GPM6B: variants seen among roughly 807,000 people sequenced by gnomAD.
The protein encoded by GPM6B is glycoprotein M6B.
GPM6B carries 4 observed loss-of-function variants against 27.2 expected under a neutral mutation model. The ratio of observed to expected loss-of-function variants is 0.15; its 90% CI spans 0.07 to 0.34. The LOEUF (loss-of-function observed/expected upper bound fraction) is 0.34, where lower values mean the gene tolerates loss of function less well. Among genes scored for constraint, GPM6B ranks in the 10% least tolerant of loss-of-function variants. The pLI, the probability that GPM6B is intolerant of heterozygous loss-of-function variation, is 1.00. For synonymous variants in GPM6B, 124 were observed against 103.1 expected, an observed-to-expected ratio of 1.20 and a Z score of -1.23; for missense variants, 183 against 261.9, an observed-to-expected ratio of 0.70 and a Z score of 2.08.
chrX:13,932,177 C>T (rs947954793), intron 1 of GPM6B, among the ~76,000 whole-genome samples: 12 of 111,022 alleles, frequency 1.1e-4, no homozygotes, highest in African/African-American at 3.6e-4. Context: ...CTCCCCACTC[C>T]CCCACATTGA....
chrX:13,779,912 G>T lies in GPM6B; in HGVS notation c.603C>A (p.Phe201Leu), dbSNP rs766908101. ...FGFSAVPVFM[F>L]YNIWSTCEVI... ...CTTCACAAGTTGACCATATGTTGTA[G>T]AACATAAACACGGGCACCGCTGAGA... The change falls in exon 5 of 8, where the codon TTC becomes TTA. Residue 201 changes from phenylalanine (F) to leucine (L), a missense_variant. Transcript: ENST00000316715. 2.5e-6 allele frequency: 3 copies of T among 1,202,030 alleles called. No individual in the cohort carries two copies. The highest frequency in any genetic ancestry group is 3.4e-6 in the Non-Finnish European group (3 of 888,493).
At chrX:13,914,008 T>C (rs2050404970) in intron 1 of GPM6B, among the ~76,000 whole-genome samples, 1 of 111,519 alleles carries the variant, frequency 9.0e-6, no homozygotes, top group Admixed American at 9.5e-5. Flanking sequence ...CACTTCGGCC[T>C]CCCAAAGTGC....
chrX:13,827,940 T>C (rs1302248503), intron 1 of GPM6B, among the ~76,000 whole-genome samples: 1 of 111,063 alleles, frequency 9.0e-6, no homozygotes, highest in Admixed American at 9.5e-5. Context: ...AATGTGTGGA[T>C]TAATGAGTTT....
chrX:13,877,419 G>A (rs113087112), intron 1 of GPM6B, among the ~76,000 whole-genome samples: 3 of 111,522 alleles, frequency 2.7e-5, no homozygotes, highest in African/African-American at 9.8e-5. Flanking sequence ...AATTGGTAAA[G>A]TTCACAGAGA....
chrX:13,894,134 G>A lies in GPM6B; in HGVS notation c.-198+44193C>T, dbSNP rs1451121930. Among the ~76,000 whole-genome samples the A allele has an allele frequency of 4.5e-5, 5 of 111,719 alleles. No homozygotes were observed. In the South Asian group the frequency reaches 1.9e-3, roughly 42 times the overall value. ...GGTTGTCTCTCTAGGACATCTCAGG[G>A]AACAACACTCACCGTTTCCACATAC... On this transcript the variant is annotated intron_variant, in intron 1 of 6. Coordinates refer to the GPM6B transcript ENST00000398361.
At chrX:13,813,282 A>T (rs2049172640) in intron 1 of GPM6B, among the ~76,000 whole-genome samples, 1 of 111,718 alleles carries the variant, frequency 9.0e-6, no homozygotes, top group Admixed American at 9.5e-5. Context: ...TTAAAAAAAA[A>T]AATAAGAAAT....
intron 2 of GPM6B, among the ~76,000 whole-genome samples, chrX:13,805,269 C>G (rs1349546343): frequency 8.9e-6 from 1 of 112,019 alleles, no homozygotes; most frequent in Non-Finnish European, 1.9e-5. Flanking sequence ...AATCTTTCAT[C>G]ATATCATTAT....
chrX:13,871,065 T>C (rs2049970636), intron 1 of GPM6B, among the ~76,000 whole-genome samples: 1 of 90,567 alleles, frequency 1.1e-5, no homozygotes, highest in Non-Finnish European at 2.2e-5. Context: ...AGACCCTATC[T>C]CTAAAACAAA....
intron 1 of GPM6B, among the ~76,000 whole-genome samples, chrX:13,898,719 C>T (rs1274955063): frequency 8.9e-6 from 1 of 112,091 alleles, no homozygotes; most frequent in Non-Finnish European, 1.9e-5. Flanking sequence ...TTGATGTGTG[C>T]TCTTTATTTC....
At chrX:13,888,476 T>G (rs940737140) in intron 1 of GPM6B, among the ~76,000 whole-genome samples, 4 of 112,264 alleles carry the variant, frequency 3.6e-5, no homozygotes, top group Non-Finnish European at 7.5e-5. Context: ...TCTCAGCCAT[T>G]TCTGTATTCT....
chrX:13,893,797 G>A (rs777673156), intron 1 of GPM6B, among the ~76,000 whole-genome samples: 1 of 112,428 alleles, frequency 8.9e-6, no homozygotes, highest in African/African-American at 3.2e-5. Context: ...CCACAGATCT[G>A]GTTTATTTTC....
intron 4 of GPM6B, among the ~76,000 whole-genome samples, chrX:13,782,786 A>AT (rs1295667125): frequency 9.2e-6 from 1 of 109,072 alleles, no homozygotes; most frequent in Non-Finnish European, 1.9e-5. Context: ...AAAAAAAAAA[A>AT]ATTCTTGGCT....
chrX:13,898,023 C>G (rs1378604608), intron 1 of GPM6B, among the ~76,000 whole-genome samples: 1 of 112,220 alleles, frequency 8.9e-6, no homozygotes, highest in East Asian at 2.8e-4. Context: ...CAGAGCTTGA[C>G]CACTACAAAC....
chrX:13,862,035 G>C (rs2049858686), intron 1 of GPM6B, among the ~76,000 whole-genome samples: 2 of 111,097 alleles, frequency 1.8e-5, no homozygotes, highest in South Asian at 3.8e-4. Context: ...GTGTGAATGA[G>C]TGTACGAGTG....
At chrX:13,780,970 G>C in intron 4 of GPM6B, 1 of 319,959 alleles carries the variant, frequency 3.1e-6, no homozygotes, top group Non-Finnish European at 6.1e-6. Context: ...CTGCAGAAAC[G>C]AGACACTTTC....
chrX:13,797,382 T>C (rs1451395999), intron 2 of GPM6B, among the ~76,000 whole-genome samples: 7 of 111,717 alleles, frequency 6.3e-5, no homozygotes, highest in African/African-American at 2.3e-4. Context: ...CAAAGGTTTA[T>C]GGATGGCAGG....
In GPM6B at chrX:13,816,944, C is replaced by T; in HGVS notation, c.-40G>A. Reference sequence around the variant, plus strand: ...ATGCTTTTCCCCCTGTTCCCCCCAACACACACTTGTTTTTCCTCCTCTTCC... The same window carrying T: ...ATGCTTTTCCCCCTGTTCCCCCCAATACACACTTGTTTTTCCTCCTCTTCC... On this transcript the variant is annotated 5_prime_UTR_variant, in exon 1 of 8. Coordinates refer to ENST00000316715, the MANE Select transcript of GPM6B (RefSeq NM_001001995.3). 6.8e-6 allele frequency: 8 copies of T among 1,170,466 alleles called. No homozygotes were observed. Among genetic ancestry groups the T allele is most frequent in the Admixed American group, 2.6e-5 (1 of 38,420 alleles).
intron 2 of GPM6B, among the ~76,000 whole-genome samples, chrX:13,804,967 C>T (rs927502305): frequency 5.4e-5 from 6 of 111,040 alleles, no homozygotes; most frequent in Non-Finnish European, 1.1e-4. Flanking sequence ...AGAGTGGGTC[C>T]CTTCACTCTG....
At position 13,794,498 on chromosome X, in the gene GPM6B, G is replaced by A. The variant is rs138624528; in HGVS notation, c.182-8690C>T. ...AAAGACGGTCTGTGCAGCCCCGGCAGACCTCAAGATCCTTGCAGGAGGACT... is the reference window on the plus strand; with the variant it reads ...AAAGACGGTCTGTGCAGCCCCGGCAAACCTCAAGATCCTTGCAGGAGGACT... On this transcript the variant is annotated intron_variant, in intron 2 of 7. Coordinates refer to ENST00000316715, the MANE Select transcript of GPM6B (RefSeq NM_001001995.3). Among the ~76,000 whole-genome samples the A allele has an allele frequency of 2.1e-4, 23 of 111,638 alleles. 1 individual carries two copies. The East Asian group carries it at 6.4e-3, about 31-fold the overall frequency.
Sources: gnomAD v4.1 joint callset for allele counts (sites outside exome capture counted in the v4.1 genomes callset) on GRCh38, gnomAD v4.1.1 for gene constraint, MANE v1.5 for transcripts, NCBI Gene and HGNC (gene_info 2026-07-23, HGNC 2026-07-21) for gene names.